Variants in THSD7B observed in about 807,000 individuals in gnomAD.
THSD7B encodes thrombospondin type 1 domain containing 7B.
THSD7B carries 138 observed loss-of-function variants against 213.6 expected under a neutral mutation model. The observed-to-expected ratio is 0.65, with a 90% CI of 0.56 to 0.74. The LOEUF is 0.74. THSD7B is among the 30% of genes least tolerant of loss of function. The pLI is 0.00. For missense variants in THSD7B, 1,931 were observed against 1,991.5 expected, an observed-to-expected ratio of 0.97 and a Z score of 0.58; for synonymous variants, 742 against 687.0, an observed-to-expected ratio of 1.08 and a Z score of -1.25.
At chr2:137,619,163 G>A (rs1682466482) in intron 19 of THSD7B, among the ~76,000 whole-genome samples, 1 of 152,186 alleles carries the variant, frequency 6.6e-6, no homozygotes, top group Admixed American at 6.5e-5. Flanking sequence ...TATGGGGGCA[G>A]TTTAGTAGAA....
chr2:137,037,046 C>T (rs1043323141), intron 2 of THSD7B, among the ~76,000 whole-genome samples: 8 of 152,102 alleles, frequency 5.3e-5, no homozygotes, highest in Non-Finnish European at 1.2e-4. Flanking sequence ...GTTCCTAAAG[C>T]CTTTGTACAT....
intron 1 of THSD7B, among the ~76,000 whole-genome samples, chr2:136,845,611 T>A (rs1682996205): frequency 5.3e-5 from 8 of 152,262 alleles, no homozygotes; most frequent in Admixed American, 5.2e-4. Context: ...TTCTTTTCAT[T>A]TTGGGGGTTT....
At chr2:137,554,634 TG>T (rs1680916029) in intron 15 of THSD7B, among the ~76,000 whole-genome samples, 1 of 152,122 alleles carries the variant, frequency 6.6e-6, no homozygotes, top group Admixed American at 6.6e-5. Context: ...ATGCAGAGGT[TG>T]GGTGATTTCT....
intron 12 of THSD7B, among the ~76,000 whole-genome samples, chr2:137,370,004 T>A (rs1395395148): frequency 6.6e-6 from 1 of 152,186 alleles, no homozygotes; most frequent in East Asian, 1.9e-4. Flanking sequence ...CACTTTTTGT[T>A]GTGTCATTTT....
At chr2:136,886,332 G>A (rs1431900014) in intron 2 of THSD7B, among the ~76,000 whole-genome samples, 2 of 152,162 alleles carry the variant, frequency 1.3e-5, no homozygotes, top group Admixed American at 1.3e-4. Context: ...GTGGCTGGCT[G>A]AGAAGAGCAG....
intron 2 of THSD7B, among the ~76,000 whole-genome samples, chr2:137,053,128 T>A (rs1687098263): frequency 6.6e-6 from 1 of 152,188 alleles, no homozygotes; most frequent in South Asian, 2.1e-4. Context: ...AGTAATTGTT[T>A]ACATACTGCC....
At chr2:137,036,343 A>G (rs1339025313) in intron 2 of THSD7B, among the ~76,000 whole-genome samples, 2 of 152,110 alleles carry the variant, frequency 1.3e-5, no homozygotes, top group Non-Finnish European at 2.9e-5. Context: ...TCTTTGTTTT[A>G]TGTCACCAAC....
chr2:137,180,928 A>C (rs908895846), intron 7 of THSD7B, among the ~76,000 whole-genome samples: 1 of 152,180 alleles, frequency 6.6e-6, no homozygotes, highest in Admixed American at 6.6e-5. Context: ...GGCTAGACTC[A>C]TGAAACCTAT....
intron 15 of THSD7B, among the ~76,000 whole-genome samples, chr2:137,535,636 A>G (rs1213366503): frequency 6.6e-6 from 1 of 151,764 alleles, no homozygotes; most frequent in African/African-American, 2.4e-5. Context: ...ACTTGCTAGG[A>G]TACACCTAGG....
intron 12 of THSD7B, among the ~76,000 whole-genome samples, chr2:137,295,766 AC>A (rs1207636453): frequency 6.6e-6 from 1 of 151,906 alleles, no homozygotes; most frequent in Non-Finnish European, 1.5e-5. Context: ...GAGCCACCAC[AC>A]CCGGCCAAAA....
chr2:137,221,218 C>T (rs1681362708), intron 7 of THSD7B, among the ~76,000 whole-genome samples: 1 of 152,044 alleles, frequency 6.6e-6, no homozygotes. Flanking sequence ...ACCCGGGAGG[C>T]GGAGCTTGCA....
At chr2:137,148,993 T>C (rs1277912785) in intron 5 of THSD7B, among the ~76,000 whole-genome samples, 1 of 152,096 alleles carries the variant, frequency 6.6e-6, no homozygotes, top group African/African-American at 2.4e-5. Flanking sequence ...GCCCCTCCCA[T>C]CACAGGCCTG....
chr2:137,484,983 C>G (rs1573653504), intron 15 of THSD7B, among the ~76,000 whole-genome samples: 1 of 52,864 alleles, frequency 1.9e-5, no homozygotes, highest in East Asian at 5.4e-4. Context: ...CCTGTTCACT[C>G]TGATGGTAGT....
At chr2:137,469,915 T>C (rs1688060457) in intron 15 of THSD7B, among the ~76,000 whole-genome samples, 1 of 152,192 alleles carries the variant, frequency 6.6e-6, no homozygotes, top group Non-Finnish European at 1.5e-5. Flanking sequence ...TTATCACCAT[T>C]AGAGTGAATG....
chr2:136,830,234 T>A (rs914427473), intron 1 of THSD7B, among the ~76,000 whole-genome samples: 2 of 152,180 alleles, frequency 1.3e-5, no homozygotes, highest in Non-Finnish European at 2.9e-5. Flanking sequence ...AGCAGATCCG[T>A]AATCAAGGGT....
rs1386428477 is a variant in THSD7B at position 137,420,895 on chromosome 2, T to C, written c.2959+9023T>C. On this transcript the variant is annotated intron_variant, in intron 14 of 27. Transcript: ENST00000409968. ...AGGGCCATGCTCACTCCAAAGGCTT[T>C]GGAAGAAAGCTTTTCCTGGCCTTTT... Among the ~76,000 whole-genome samples, 3 of 152,294 alleles carry C rather than the reference T, an allele frequency of 2.0e-5. 1 individual carries two copies. The highest frequency in any genetic ancestry group is 2.9e-5 in the Non-Finnish European group (2 of 68,028).
intron 12 of THSD7B, among the ~76,000 whole-genome samples, chr2:137,318,376 C>A (rs752020552): frequency 1.3e-5 from 2 of 152,138 alleles, no homozygotes; most frequent in African/African-American, 4.8e-5. Context: ...GACTTAATGT[C>A]TTTATTTGAA....
chr2:136,773,555 T>C (rs1681547899), intron 1 of THSD7B, among the ~76,000 whole-genome samples: 1 of 152,148 alleles, frequency 6.6e-6, no homozygotes. Flanking sequence ...ATGAAAGTTA[T>C]TAATGTGATG....
chr2:137,213,039 A>AAAG (rs1403951176), intron 7 of THSD7B, among the ~76,000 whole-genome samples: 3 of 151,636 alleles, frequency 2.0e-5, no homozygotes, highest in Admixed American at 2.0e-4. Context: ...CTAAAAAAAA[A>AAAG]AAAAAAAAGG....
Sources: allele counts gnomAD v4.1 joint callset (sites outside exome capture counted in the v4.1 genomes callset), GRCh38; gene constraint gnomAD v4.1.1; transcripts MANE v1.5; gene names NCBI Gene and HGNC (gene_info 2026-07-23, HGNC 2026-07-21).